RPGRIP1: variants seen among roughly 807,000 people sequenced by gnomAD.
RPGRIP1 encodes X-linked retinitis pigmentosa GTPase regulator-interacting protein 1.
A neutral mutation model predicts 157.9 loss-of-function variants in RPGRIP1; 128 were observed. The observed-to-expected ratio is 0.81, with a 90% CI of 0.70 to 0.94. The LOEUF is 0.94. Among genes scored for constraint, RPGRIP1 ranks in the 40% least tolerant of loss-of-function variants. RPGRIP1 has a pLI of 0.00. For synonymous variants in RPGRIP1, 554 were observed against 571.6 expected, an observed-to-expected ratio of 0.97 and a Z score of 0.44; for missense variants, 1,486 against 1,545.8, an observed-to-expected ratio of 0.96 and a Z score of 0.65.
chr14:21,332,791 C>T (rs757127032), intron 20 of RPGRIP1, among the ~76,000 whole-genome samples: 3 of 152,038 alleles, frequency 2.0e-5, no homozygotes, highest in East Asian at 3.8e-4. Context: ...GTTTTAATAT[C>T]GCTGTTCTCC....
chr14:21,293,283 C>G (rs1490717954), intron 2 of RPGRIP1, among the ~76,000 whole-genome samples: 1 of 152,150 alleles, frequency 6.6e-6, no homozygotes, highest in Non-Finnish European at 1.5e-5. Context: ...AGCAGAGGCT[C>G]TTGTCCTAGG....
chr14:21,331,713 C>T (rs1883813848), intron 20 of RPGRIP1, among the ~76,000 whole-genome samples: 1 of 152,042 alleles, frequency 6.6e-6, no homozygotes, highest in Non-Finnish European at 1.5e-5. Context: ...ATCTGGAGTG[C>T]TACCAGTGTT....
rs140436546 is a variant in RPGRIP1, at chr14:21,300,249, G to A, written c.219-717G>A. 8.7e-3 allele frequency among the ~76,000 whole-genome samples: 1,304 copies of A among 150,484 alleles called. 14 individuals carry two copies. The highest frequency in any genetic ancestry group is 0.011 in the Non-Finnish European group (728 of 67,860). On this transcript the variant is annotated intron_variant, in intron 3 of 24. Coordinates refer to ENST00000400017, the MANE Select transcript of RPGRIP1 (RefSeq NM_020366.4). Reference sequence around the variant, plus strand: ...GAACTTGGGAGGCAGAGGTTGTGGTGAGCTGAGATCGTGCCATTGCACTCC... The same window carrying A: ...GAACTTGGGAGGCAGAGGTTGTGGTAAGCTGAGATCGTGCCATTGCACTCC...
chr14:21,316,834 A>G (rs1421225385), intron 10 of RPGRIP1, among the ~76,000 whole-genome samples: 2 of 151,658 alleles, frequency 1.3e-5, no homozygotes, highest in African/African-American at 2.4e-5. Flanking sequence ...AGAACTAGCC[A>G]TGTGGCTGGG....
chr14:21,330,413 T>G (rs1883620145), intron 20 of RPGRIP1, 26 bp downstream of exon 20: 1 of 1,445,366 alleles, frequency 6.9e-7, no homozygotes, highest in South Asian at 1.6e-5. Flanking sequence ...ATCTATTTTT[T>G]TTCCTAGCAC....
At chr14:21,313,117 C>T (rs970954763) in intron 10 of RPGRIP1, among the ~76,000 whole-genome samples, 5 of 151,748 alleles carry the variant, frequency 3.3e-5, no homozygotes, top group African/African-American at 7.2e-5. Context: ...ATTACAGGCA[C>T]GAGCCACCAT....
chr14:21,284,329 A>G (rs953228703), intron 1 of RPGRIP1, among the ~76,000 whole-genome samples: 6 of 152,160 alleles, frequency 3.9e-5, no homozygotes, highest in African/African-American at 1.2e-4. Context: ...AGACTCTACT[A>G]TAGAACCTAA....
At chr14:21,309,345 C>T (rs1188216937) in intron 7 of RPGRIP1, among the ~76,000 whole-genome samples, 2 of 151,924 alleles carry the variant, frequency 1.3e-5, no homozygotes, top group Non-Finnish European at 2.9e-5. Flanking sequence ...AACCCCATCT[C>T]TATCAAAAAT....
Position 21,317,816 on chromosome 14 carries a change from G to T in RPGRIP1, c.1272G>T (p.Lys424Asn). ...AGCTGGATGCTGAGCTGGAGGACAA[G>T]AGAAAAGTTTTACTTGAGCTGTCCA... ...QDQLDAELED[K>N]RKVLLELSRE... The change falls in exon 11 of 25, where the codon AAG becomes AAT. Residue 424 changes from lysine (K) to asparagine (N), a missense_variant. Physicochemically the swap from Lys to Asn is moderately conservative, Grantham distance 94. Coordinates refer to ENST00000400017, the MANE Select transcript of RPGRIP1 (RefSeq NM_020366.4). 6.2e-7 allele frequency: 1 copy of T among 1,606,572 alleles called. No individual in the cohort carries two copies. Among genetic ancestry groups the T allele is most frequent in the South Asian group, 1.1e-5 (1 of 89,154 alleles).
chr14:21,296,271 T>A (rs1880771798), intron 3 of RPGRIP1, among the ~76,000 whole-genome samples: 1 of 152,060 alleles, frequency 6.6e-6, no homozygotes, highest in Non-Finnish European at 1.5e-5. Flanking sequence ...CTGGCCGTGC[T>A]GCCCAGGCTG....
chr14:21,307,789 A>C lies in RPGRIP1; in HGVS notation c.859A>C (p.Asn287His). The change falls in exon 7 of 25, where the codon AAT (asparagine) becomes CAT (histidine). Residue 287 changes from asparagine to histidine, a missense_variant. By Grantham distance (68) the Asn-to-His change is moderately conservative (BLOSUM62 1). Coordinates refer to ENST00000400017, the MANE Select transcript of RPGRIP1 (RefSeq NM_020366.4). ...IRLKKLLHER[N>H]ASLVMTKAQL... is the part of the protein sequence containing the mutation. ...ACTTAAGAAGCTCTTACATGAAAGAAATGCTTCATTGGTTATGACAAAAGC... is the reference window on the plus strand; with the variant it reads ...ACTTAAGAAGCTCTTACATGAAAGACATGCTTCATTGGTTATGACAAAAGC... 6.4e-7 allele frequency: 1 copy of C among 1,570,152 alleles called. No individual in the cohort carries two copies. Among genetic ancestry groups the C allele is most frequent in the Non-Finnish European group, 8.6e-7 (1 of 1,157,378 alleles).
At position 21,345,200 on chromosome 14, in the gene RPGRIP1, A is replaced by G; in HGVS notation, c.3617+3A>G. 1 of 1,606,570 alleles carries G rather than the reference A, an allele frequency of 6.2e-7. No homozygotes were observed. The highest frequency in any genetic ancestry group is 8.5e-7 in the Non-Finnish European group (1 of 1,174,754). On this transcript the variant is annotated splice_donor_region_variant and intron_variant, in intron 23 of 24. Transcript: ENST00000400017. ...GGACAAGATCCTGATCAAGGACAGT[A>G]AGCATCTGCTTTCCACTTTGAAACA... is the stretch of plus-strand genomic sequence containing the variant.
intron 1 of RPGRIP1, among the ~76,000 whole-genome samples, chr14:21,282,506 G>A (rs1880167377): frequency 6.6e-6 from 1 of 152,094 alleles, no homozygotes. Flanking sequence ...ATAGTGCTGG[G>A]ATTACAGGCG....
chr14:21,301,720 AAT>A (rs1491480346), intron 4 of RPGRIP1, among the ~76,000 whole-genome samples: 17 of 61,254 alleles, frequency 2.8e-4, no homozygotes, highest in African/African-American at 8.9e-4. Flanking sequence ...TAATAATAAT[AAT>A]AAAAAATTAG....
intron 20 of RPGRIP1, among the ~76,000 whole-genome samples, chr14:21,333,703 A>T (rs1566354995): frequency 6.6e-6 from 1 of 152,064 alleles, no homozygotes; most frequent in East Asian, 1.9e-4. Flanking sequence ...TTGGTAGCTG[A>T]GTTCCAAGAC....
rs1282350183 is a variant in RPGRIP1 at position 21,281,688 on chromosome 14, C to CA, written c.-39+1543dup. Among the ~76,000 whole-genome samples, 359 of 79,190 alleles carry CA rather than the reference C, an allele frequency of 4.5e-3. 2 individuals carry two copies. Among genetic ancestry groups the CA allele is most frequent in the African/African-American group, 9.2e-3 (174 of 18,834 alleles). 52.0% of individuals were successfully genotyped at this position (79,190 alleles called of 152,430 possible). A position where few individuals can be genotyped will look rare whatever the true frequency, so the allele number is the denominator to read the frequency against. On this transcript the variant is annotated intron_variant, in intron 1 of 24. Coordinates refer to ENST00000400017, the MANE Select transcript of RPGRIP1 (RefSeq NM_020366.4). ...TGGGCAACAGAGTGAGACCTTGTCT[C>CA]AAAAAAAAAAAAAATAAATAATAAT...
In RPGRIP1 at chr14:21,301,082, G is replaced by T; in HGVS notation, c.335G>T (p.Arg112Leu). Reference sequence around the variant, plus strand: ...GGGCAGAAGGCGGGATGGCGGCAGCGCCTCTCCATGCACCAGCGCCCCCAG... The same window carrying T: ...GGGCAGAAGGCGGGATGGCGGCAGCTCCTCTCCATGCACCAGCGCCCCCAG... ...RRGQKAGWRQ[R>L]LSMHQRPQMH... The change falls in exon 4 of 25, where the codon CGC (arginine) becomes CTC (leucine). Residue 112 changes from arginine (R) to leucine (L), a missense_variant. Coordinates refer to ENST00000400017, the MANE Select transcript of RPGRIP1 (RefSeq NM_020366.4). 1 of 1,612,472 alleles carries T rather than the reference G, an allele frequency of 6.2e-7. No individual in the cohort carries two copies. Among genetic ancestry groups the T allele is most frequent in the Non-Finnish European group, 8.5e-7 (1 of 1,179,362 alleles).
intron 1 of RPGRIP1, among the ~76,000 whole-genome samples, 145 bp downstream of exon 1, chr14:21,280,304 C>T (rs1388142497): frequency 1.4e-5 from 2 of 142,318 alleles, no homozygotes; most frequent in African/African-American, 5.2e-5. Context: ...AGTGCACCGG[C>T]ACTATCTCTG....
In RPGRIP1 at chr14:21,302,397, T is replaced by G. The variant is rs928066995; in HGVS notation, c.491-91T>G. The G allele has an allele frequency of 4.8e-6, 3 of 625,246 alleles. No homozygotes were observed. In the African/African-American group the frequency reaches 5.6e-5, roughly 12 times the overall value. 38.7% of individuals were successfully genotyped at this position (625,246 alleles called of 1,614,324 possible). On this transcript the variant is annotated intron_variant, in intron 4 of 24. Coordinates refer to ENST00000400017, the MANE Select transcript of RPGRIP1 (RefSeq NM_020366.4). ...AAGGGTTTCACCCAGGTCTCAAGACTCTATGCCCAGCCCTTCATGTTCCAG... is the reference window on the plus strand; with the variant it reads ...AAGGGTTTCACCCAGGTCTCAAGACGCTATGCCCAGCCCTTCATGTTCCAG...
Sources: allele counts gnomAD v4.1 joint callset (sites outside exome capture counted in the v4.1 genomes callset), GRCh38; gene constraint gnomAD v4.1.1; transcripts MANE v1.5; gene names NCBI Gene and HGNC (gene_info 2026-07-23, HGNC 2026-07-21).